Variants in LAMA2 observed in about 807,000 individuals in gnomAD.
LAMA2 encodes the protein laminin subunit alpha-2.
In LAMA2, 269 loss-of-function variants were observed where a neutral mutation model predicts 364.8. That is an observed-to-expected ratio of 0.74 (90% CI 0.67 to 0.82). The LOEUF is 0.82. Ranked by LOEUF, LAMA2 falls within the 40% of genes least tolerant of loss-of-function variation. The probability of loss-of-function intolerance (pLI) is 0.00; values close to 1 mark genes in which losing one functional copy is unlikely to be tolerated. For missense variants in LAMA2, 3,807 were observed against 3,873.2 expected (o/e 0.98, Z 0.45); for synonymous variants, 1,379 against 1,370.6 (o/e 1.01, Z -0.14).
intron 1 of LAMA2, among the ~76,000 whole-genome samples, chr6:128,997,687 C>T (rs535810372): frequency 2.6e-5 from 4 of 151,948 alleles, no homozygotes; most frequent in African/African-American, 9.7e-5. Context: ...CCCAGCTACT[C>T]GGGAGGCTGA....
At chr6:129,145,726 G>A (rs1778394149) in intron 5 of LAMA2, among the ~76,000 whole-genome samples, 1 of 151,742 alleles carries the variant, frequency 6.6e-6, no homozygotes, top group Non-Finnish European at 1.5e-5. Context: ...TATGTTTTTT[G>A]AAAGTACTCA....
chr6:128,983,703 G>C (rs1007390099), intron 1 of LAMA2, among the ~76,000 whole-genome samples: 3 of 152,180 alleles, frequency 2.0e-5, no homozygotes, highest in African/African-American at 4.8e-5. Context: ...CTGCTTTAGA[G>C]CTGAATTTCA....
At chr6:128,940,758 C>T (rs1780102847) in intron 1 of LAMA2, among the ~76,000 whole-genome samples, 1 of 152,060 alleles carries the variant, frequency 6.6e-6, no homozygotes. Flanking sequence ...TCAAGGCCAG[C>T]CTGGGTAGCA....
intron 35 of LAMA2, among the ~76,000 whole-genome samples, chr6:129,387,839 G>A (rs1779100759): frequency 6.6e-6 from 1 of 152,234 alleles, no homozygotes; most frequent in South Asian, 2.1e-4. Context: ...GCTCATAAGT[G>A]GGAGTTGAAC....
intron 40 of LAMA2, among the ~76,000 whole-genome samples, chr6:129,422,948 A>G (rs1781149460): frequency 1.3e-5 from 2 of 152,130 alleles, no homozygotes; most frequent in Admixed American, 6.6e-5. Context: ...TGGCAAAGTT[A>G]TAACAAATCA....
At chr6:129,453,739 G>C (rs1160568890) in intron 46 of LAMA2, among the ~76,000 whole-genome samples, 1 of 152,034 alleles carries the variant, frequency 6.6e-6, no homozygotes, top group African/African-American at 2.4e-5. Flanking sequence ...TGCCATTTGG[G>C]TAAGGAATTC....
intron 3 of LAMA2, among the ~76,000 whole-genome samples, chr6:129,082,229 A>C (rs1774104784): frequency 6.6e-6 from 1 of 152,130 alleles, no homozygotes; most frequent in African/African-American, 2.4e-5. Context: ...ACCAATGAAT[A>C]GATATTGAAT....
rs3778142 is a variant in LAMA2, at chr6:129,143,979, T to C, written c.718T>C (p.Tyr240His). ...PELLEFTSARYIRLRFQRIRT... is the reference protein window; with the variant it reads ...PELLEFTSARHIRLRFQRIRT... ...ACTGCTAGAATTTACCTCCGCTCGC[T>C]ATATTCGCCTGAGATTTCAGAGGAT... Residue 240 changes from tyrosine (Y) to histidine (H), a missense_variant, in exon 5 of 65, where the codon TAT becomes CAT. By Grantham distance (83) the Tyr-to-His change is moderately conservative. This residue lies in a region of LAMA2 where 394 missense variants were observed against 403.5 expected (regional missense o/e 0.98). Coordinates refer to ENST00000421865, the MANE Select transcript of LAMA2 (RefSeq NM_000426.4). The C allele has an allele frequency of 1.5e-4, 235 of 1,612,560 alleles. 1 individual carries two copies. In the East Asian group the frequency reaches 5.2e-3, roughly 35 times the overall value.
At chr6:129,149,816 T>C (rs1778689676) in intron 7 of LAMA2, among the ~76,000 whole-genome samples, 1 of 152,172 alleles carries the variant, frequency 6.6e-6, no homozygotes, top group African/African-American at 2.4e-5. Context: ...CTAAGCAATA[T>C]AACAACTATT....
chr6:129,076,610 C>T (rs74631262), intron 3 of LAMA2, among the ~76,000 whole-genome samples: 1 of 149,804 alleles, frequency 6.7e-6, no homozygotes, highest in Non-Finnish European at 1.5e-5. Flanking sequence ...TACTGGTGTT[C>T]ATTTTATTTA....
intron 12 of LAMA2, among the ~76,000 whole-genome samples, chr6:129,219,169 A>G (rs1004647827): frequency 6.6e-6 from 1 of 152,178 alleles, no homozygotes; most frequent in Admixed American, 6.5e-5. Flanking sequence ...TCTTTAAAAA[A>G]TAAGACAGAC....
At chr6:128,997,316 A>AAG (rs1164445868) in intron 1 of LAMA2, among the ~76,000 whole-genome samples, 2 of 141,992 alleles carry the variant, frequency 1.4e-5, no homozygotes, top group Non-Finnish European at 3.1e-5. Flanking sequence ...GAAAGAAACA[A>AAG]AGAGAGAGAG....
intron 1 of LAMA2, among the ~76,000 whole-genome samples, chr6:128,889,610 T>C (rs1027620522): frequency 6.6e-6 from 1 of 152,150 alleles, no homozygotes; most frequent in African/African-American, 2.4e-5. Context: ...TCCCTTAGTA[T>C]TCTTCCTGTG....
rs982756036 is a variant in LAMA2, at chr6:129,353,063, T to C, written c.4524-101T>C. Reference sequence around the variant, plus strand: ...GAAAAGTTAACTAATGTATGGACTCTTGCTATCAGTTTTGTTGCATCAAAA... The same window carrying C: ...GAAAAGTTAACTAATGTATGGACTCCTGCTATCAGTTTTGTTGCATCAAAA... On this transcript the variant is annotated intron_variant, in intron 31 of 64. Transcript: ENST00000421865. 22 of 817,872 alleles carry C rather than the reference T, an allele frequency of 2.7e-5. No individual in the cohort carries two copies. In the Middle Eastern group the frequency reaches 9.9e-4, roughly 37 times the overall value. The allele number at this position is 817,872 out of a possible 1,614,324, so 50.7% of individuals were successfully genotyped here.
chr6:129,122,767 A>C (rs1776872268), intron 4 of LAMA2, among the ~76,000 whole-genome samples: 3 of 152,016 alleles, frequency 2.0e-5, no homozygotes. Flanking sequence ...CCACCACACT[A>C]TTGGGCTTGA....
chr6:129,475,746 G>A (rs1784037746), intron 53 of LAMA2, among the ~76,000 whole-genome samples: 2 of 151,988 alleles, frequency 1.3e-5, no homozygotes, highest in African/African-American at 2.4e-5. Context: ...GTCTAGTTCT[G>A]GGAAACACGG....
chr6:129,146,250 T>C (rs2114962726), intron 5 of LAMA2, among the ~76,000 whole-genome samples: 1 of 152,080 alleles, frequency 6.6e-6, no homozygotes, highest in South Asian at 2.1e-4. Context: ...CTCTGACAAT[T>C]ATAAAATGTT....
intron 12 of LAMA2, among the ~76,000 whole-genome samples, chr6:129,212,728 A>C (rs185992311): frequency 4.3e-4 from 65 of 152,332 alleles, no homozygotes; most frequent in African/African-American, 1.5e-3. Context: ...AATTCACTTA[A>C]CTGAGTTTAA....
At chr6:129,062,535 G>T (rs12190465) in intron 3 of LAMA2, among the ~76,000 whole-genome samples, 10 of 151,972 alleles carry the variant, frequency 6.6e-5, no homozygotes, top group African/African-American at 2.4e-4. Context: ...AACCTGTTTC[G>T]TTATAAAGCA....
Sources: gnomAD v4.1 joint callset for allele counts (sites outside exome capture counted in the v4.1 genomes callset) on GRCh38, gnomAD v4.1.1 for gene constraint, gnomAD v4.1.1 regional missense constraint, MANE v1.5 for transcripts, NCBI Gene and HGNC (gene_info 2026-07-23, HGNC 2026-07-21) for gene names.